The following PTPRO variants were observed in gnomAD, a reference collection of about 807,000 sequenced individuals.
The protein encoded by PTPRO is receptor-type tyrosine-protein phosphatase O.
A neutral mutation model predicts 145.2 loss-of-function variants in PTPRO; 62 were observed. That is an observed-to-expected ratio of 0.43 (90% CI 0.35 to 0.53). The LOEUF is 0.53. Ranked by LOEUF, PTPRO falls within the 20% of genes least tolerant of loss-of-function variation. The probability of loss-of-function intolerance (pLI) is 0.01; values close to 1 mark genes in which losing one functional copy is unlikely to be tolerated. For missense variants in PTPRO, 1,345 were observed against 1,482.7 expected (o/e 0.91, Z 1.53); for synonymous variants, 565 against 514.7 (o/e 1.10, Z -1.32).
intron 1 of PTPRO, among the ~76,000 whole-genome samples, chr12:15,387,252 T>C (rs1018126018): frequency 6.6e-6 from 1 of 152,006 alleles, no homozygotes; most frequent in Non-Finnish European, 1.5e-5. Context: ...AGACCTCATT[T>C]CCAAACATAC....
At chr12:15,490,486 G>A (rs759419432) in intron 2 of PTPRO, among the ~76,000 whole-genome samples, 11 of 151,954 alleles carry the variant, frequency 7.2e-5, no homozygotes, top group South Asian at 2.1e-4. Flanking sequence ...CAATTTTCAC[G>A]TGCCATGAAA....
intron 7 of PTPRO, among the ~76,000 whole-genome samples, chr12:15,512,363 C>A (rs898465975): frequency 2.6e-5 from 4 of 152,150 alleles, no homozygotes; most frequent in African/African-American, 9.7e-5. Flanking sequence ...GATCTGCCCA[C>A]CTTGGCCTCC....
At chr12:15,525,952 A>G (rs950591379) in intron 11 of PTPRO, among the ~76,000 whole-genome samples, 190 bp from the exon 12 acceptor site, 6 of 152,210 alleles carry the variant, frequency 3.9e-5, no homozygotes, top group Non-Finnish European at 7.3e-5. Flanking sequence ...TATTAAGGCT[A>G]CCTCACATTG....
At chr12:15,347,995 T>C (rs372216422) in intron 1 of PTPRO, among the ~76,000 whole-genome samples, 1 of 152,014 alleles carries the variant, frequency 6.6e-6, no homozygotes. Flanking sequence ...TATTTATAGA[T>C]CATCTAAAAT....
intron 1 of PTPRO, among the ~76,000 whole-genome samples, chr12:15,363,925 G>A (rs1938284057): frequency 6.6e-6 from 1 of 152,136 alleles, no homozygotes; most frequent in South Asian, 2.1e-4. Context: ...GCTGGCATCA[G>A]AATATTATGT....
chr12:15,345,597 G>A (rs569016988), intron 1 of PTPRO, among the ~76,000 whole-genome samples: 19 of 152,158 alleles, frequency 1.2e-4, no homozygotes, highest in African/African-American at 3.1e-4. Flanking sequence ...ATCACACACC[G>A]GGGCCTGTCG....
intron 17 of PTPRO, among the ~76,000 whole-genome samples, chr12:15,562,164 A>C (rs371648689): frequency 1.1e-4 from 17 of 152,112 alleles, no homozygotes; most frequent in African/African-American, 3.9e-4. Context: ...ACTGGATATA[A>C]ACTATGTTCT....
chr12:15,404,964 T>C (rs922658285), intron 1 of PTPRO, among the ~76,000 whole-genome samples: 32 of 152,322 alleles, frequency 2.1e-4, no homozygotes, highest in Non-Finnish European at 1.3e-4. Flanking sequence ...TGAAGATGGA[T>C]GCCTCCTTGC....
chr12:15,439,708 C>T (rs556724632), intron 1 of PTPRO: 29 of 487,790 alleles, frequency 5.9e-5, no homozygotes, highest in South Asian at 3.8e-4. Context: ...AGTGGATGCC[C>T]GTCACCGAGC....
intron 1 of PTPRO, among the ~76,000 whole-genome samples, chr12:15,409,619 C>A (rs1939740295): frequency 2.0e-5 from 3 of 152,128 alleles, no homozygotes; most frequent in Admixed American, 6.5e-5. Flanking sequence ...GTAGATTGTA[C>A]AGGAAGTAGG....
intron 6 of PTPRO, 35 bp downstream of exon 6, chr12:15,504,104 G>T (rs1297452460): frequency 6.3e-7 from 1 of 1,575,316 alleles, no homozygotes; most frequent in South Asian, 1.1e-5. Flanking sequence ...CACTTACTGG[G>T]GAGCTAGAAC....
chr12:15,383,835 A>G (rs1938939014), intron 1 of PTPRO, among the ~76,000 whole-genome samples: 1 of 152,184 alleles, frequency 6.6e-6, no homozygotes, highest in Non-Finnish European at 1.5e-5. Context: ...GAAAAGACCT[A>G]ATAAGGGAAA....
chr12:15,523,543 G>A (rs925761049), intron 10 of PTPRO, among the ~76,000 whole-genome samples: 10 of 152,126 alleles, frequency 6.6e-5, no homozygotes, highest in African/African-American at 1.9e-4. Flanking sequence ...GGGAAGCCAC[G>A]ATGGGTGGAT....
chr12:15,472,341 C>G (rs1941561494), intron 1 of PTPRO, among the ~76,000 whole-genome samples: 1 of 152,276 alleles, frequency 6.6e-6, no homozygotes, highest in South Asian at 2.1e-4. Flanking sequence ...ATAAGTCTTG[C>G]TAAACTGTAA....
chr12:15,363,176 A>G (rs1938260036), intron 1 of PTPRO, among the ~76,000 whole-genome samples: 1 of 152,190 alleles, frequency 6.6e-6, no homozygotes, highest in Admixed American at 6.6e-5. Context: ...TCTACATAGA[A>G]CAAGGTTTGA....
chr12:15,343,430 T>C (rs555816221), intron 1 of PTPRO, among the ~76,000 whole-genome samples: 1 of 152,138 alleles, frequency 6.6e-6, no homozygotes, highest in African/African-American at 2.4e-5. Flanking sequence ...TCCATGTCTA[T>C]AATCTCAGCA....
intron 1 of PTPRO, among the ~76,000 whole-genome samples, chr12:15,478,294 C>G (rs1278355319): frequency 6.6e-6 from 1 of 152,132 alleles, no homozygotes; most frequent in African/African-American, 2.4e-5. Context: ...GCAACCTAGA[C>G]CTTTCTAGTC....
intron 1 of PTPRO, among the ~76,000 whole-genome samples, chr12:15,402,907 C>T (rs1939539454): frequency 6.6e-6 from 1 of 152,110 alleles, no homozygotes; most frequent in Admixed American, 6.5e-5. Context: ...TGTACTGTCA[C>T]AGTCAGTACA....
chr12:15,380,154 T>TA (rs1369505833), intron 1 of PTPRO, among the ~76,000 whole-genome samples: 22 of 152,140 alleles, frequency 1.4e-4, no homozygotes, highest in Admixed American at 1.3e-3. Flanking sequence ...AATTTTCACT[T>TA]AAAAATGGAG....
Sources: allele counts gnomAD v4.1 joint callset (sites outside exome capture counted in the v4.1 genomes callset), GRCh38; gene constraint gnomAD v4.1.1; transcripts MANE v1.5; gene names NCBI Gene and HGNC (gene_info 2026-07-23, HGNC 2026-07-21).